The following CRPPA variants were observed in gnomAD, a reference collection of about 807,000 sequenced individuals.
CRPPA encodes CDP-L-ribitol pyrophosphorylase A, also known as D-ribitol-5-phosphate cytidylyltransferase.
A neutral mutation model predicts 52.0 loss-of-function variants in CRPPA; 43 were observed. The observed-to-expected ratio is 0.83, with a 90% CI of 0.65 to 1.07. The LOEUF is 1.07. Ranked by LOEUF, CRPPA falls within the 50% of genes least tolerant of loss-of-function variation. The pLI, the probability that CRPPA is intolerant of heterozygous loss-of-function variation, is 0.00. For synonymous variants in CRPPA, 250 were observed against 203.5 expected (o/e 1.23, Z -1.94); for missense variants, 629 against 551.7 (o/e 1.14, Z -1.40).
chr7:16,335,175 A>G (rs1785649484), intron 3 of CRPPA, among the ~76,000 whole-genome samples: 1 of 149,952 alleles, frequency 6.7e-6, no homozygotes, highest in Non-Finnish European at 1.5e-5. Flanking sequence ...AAAAAAAAAA[A>G]AAAGGAAAAA....
intron 6 of CRPPA, chr7:16,276,504 T>A (rs28633176): frequency 6.6e-6 from 1 of 151,958 alleles, no homozygotes; most frequent in Admixed American, 6.5e-5. Context: ...ACTGGCATAT[T>A]GAAGATACTC....
chr7:16,110,773 C>T (rs1271013480), intron 9 of CRPPA, among the ~76,000 whole-genome samples: 6 of 152,040 alleles, frequency 3.9e-5, no homozygotes, highest in Non-Finnish European at 8.8e-5. Flanking sequence ...GCCCTAATCT[C>T]ACACCATATA....
rs1781738684 is a variant in CRPPA at position 16,088,347 on chromosome 7, T to C, written c.*3348A>G. 1 of 152,046 alleles carries C rather than the reference T, an allele frequency of 6.6e-6. No homozygotes were observed. The highest frequency in any genetic ancestry group is 2.4e-5 in the African/African-American group (1 of 41,422). 9.4% of individuals were successfully genotyped at this position (152,046 alleles called of 1,614,324 possible). The stretch of plus-strand genomic sequence containing the variant: ...GAAAATAAAGTGAGAATAGACAGCT[T>C]TTACTAAAGTAAATTTACAGAAGCA... On this transcript the variant is annotated 3_prime_UTR_variant, in exon 10 of 10. Coordinates refer to ENST00000407010, the MANE Select transcript of CRPPA (RefSeq NM_001101426.4).
chr7:16,210,665 G>C, intron 9 of CRPPA: 1 of 152,152 alleles, frequency 6.6e-6, no homozygotes, highest in Non-Finnish European at 1.5e-5. Context: ...CCTTGATGGA[G>C]ACCCAGAGCT....
chr7:16,286,436 T>C (rs1408410801), intron 5 of CRPPA, among the ~76,000 whole-genome samples: 1 of 152,030 alleles, frequency 6.6e-6, no homozygotes, highest in Non-Finnish European at 1.5e-5. Flanking sequence ...TGTTTCTCTG[T>C]AGAACTTACA....
chr7:16,224,772 G>C (rs1189133773), intron 8 of CRPPA, among the ~76,000 whole-genome samples: 2 of 152,064 alleles, frequency 1.3e-5, no homozygotes, highest in Non-Finnish European at 2.9e-5. Context: ...TGATCTGAAG[G>C]ATTAGAAAAG....
Position 16,090,238 on chromosome 7 carries a change from A to C in CRPPA, c.*1457T>G, listed in dbSNP as rs1219041860. 1 of 152,176 alleles carries C rather than the reference A, an allele frequency of 6.6e-6. No homozygotes were observed. The highest frequency in any genetic ancestry group is 1.5e-5 in the Non-Finnish European group (1 of 68,036). 9.4% of individuals were successfully genotyped at this position (152,176 alleles called of 1,614,324 possible). ...CACATTTCAATTAGGAGAATGTAAA[A>C]TATAAACTCTCCTACTATATATATA... On this transcript the variant is annotated 3_prime_UTR_variant, in exon 10 of 10. Coordinates refer to ENST00000407010, the MANE Select transcript of CRPPA (RefSeq NM_001101426.4).
chr7:16,288,304 A>T (rs1221466577), intron 5 of CRPPA, among the ~76,000 whole-genome samples: 2 of 152,198 alleles, frequency 1.3e-5, no homozygotes, highest in Non-Finnish European at 2.9e-5. Flanking sequence ...GAAATAAAAA[A>T]TACAAACATT....
chr7:16,163,413 G>A (rs1469080770), intron 9 of CRPPA, among the ~76,000 whole-genome samples: 1 of 151,180 alleles, frequency 6.6e-6, no homozygotes, highest in African/African-American at 2.4e-5. Flanking sequence ...GTGTGTCTTT[G>A]CACATGAGAT....
chr7:16,116,658 C>A (rs1299125242), intron 9 of CRPPA, among the ~76,000 whole-genome samples: 4 of 7,168 alleles, frequency 5.6e-4, no homozygotes, highest in Non-Finnish European at 1.9e-3. Flanking sequence ...GAGACTCGGT[C>A]GAAAAAAAAA....
chr7:16,291,109 T>C (rs1395040688), intron 5 of CRPPA, among the ~76,000 whole-genome samples: 3 of 151,784 alleles, frequency 2.0e-5, no homozygotes, highest in Non-Finnish European at 2.9e-5. Context: ...AGGGCTATTA[T>C]CAAAAACACA....
intron 9 of CRPPA, among the ~76,000 whole-genome samples, chr7:16,124,658 A>G (rs2128370864): frequency 6.6e-6 from 1 of 152,288 alleles, no homozygotes; most frequent in East Asian, 1.9e-4. Context: ...CTACAGGGTA[A>G]CTATAACTAA....
intron 2 of CRPPA, among the ~76,000 whole-genome samples, chr7:16,393,987 G>A (rs1267453987): frequency 6.7e-6 from 1 of 148,208 alleles, no homozygotes; most frequent in East Asian, 2.1e-4. Flanking sequence ...CAAAGAGAAA[G>A]CATTTTCCAG....
intron 9 of CRPPA, among the ~76,000 whole-genome samples, chr7:16,131,430 G>A (rs541438787): frequency 6.6e-6 from 1 of 152,206 alleles, no homozygotes; most frequent in Non-Finnish European, 1.5e-5. Flanking sequence ...GGAAACTGGA[G>A]GAAAGGTGAT....
At chr7:16,269,900 AG>A (rs1251155019) in intron 6 of CRPPA, 1 of 152,188 alleles carries the variant, frequency 6.6e-6, no homozygotes, top group African/African-American at 2.4e-5. Flanking sequence ...CTATAACTGG[AG>A]AAAAAAAATT....
chr7:16,152,800 A>G (rs1410496222), intron 9 of CRPPA, among the ~76,000 whole-genome samples: 1 of 152,014 alleles, frequency 6.6e-6, no homozygotes, highest in Non-Finnish European at 1.5e-5. Flanking sequence ...TGTAGCACCA[A>G]TACAATGAAC....
chr7:16,262,006 T>C (rs1218722574), intron 6 of CRPPA: 2 of 152,128 alleles, frequency 1.3e-5, no homozygotes, highest in South Asian at 2.1e-4. Context: ...ATATATGAGG[T>C]TGGACTATCC....
intron 6 of CRPPA, among the ~76,000 whole-genome samples, chr7:16,272,689 A>C (rs1784116025): frequency 6.6e-6 from 1 of 152,244 alleles, no homozygotes; most frequent in African/African-American, 2.4e-5. Flanking sequence ...TCCTTTCCTA[A>C]GGGGATGTCT....
Position 16,091,499 on chromosome 7 carries a change from G to T in CRPPA, c.*196C>A. 2.2e-6 allele frequency: 1 copy of T among 445,480 alleles called. No homozygotes were observed. The allele number at this position is 445,480 out of a possible 1,614,324, so 27.6% of individuals were successfully genotyped here. On this transcript the variant is annotated 3_prime_UTR_variant, in exon 10 of 10. Coordinates refer to ENST00000407010, the MANE Select transcript of CRPPA (RefSeq NM_001101426.4). ...TTTCTGGTTCAGGCAATTAATATTTGTCATACACAAAAGTATTCTTTATTT... is the reference window on the plus strand; with the variant it reads ...TTTCTGGTTCAGGCAATTAATATTTTTCATACACAAAAGTATTCTTTATTT...
Sources: allele counts gnomAD v4.1 joint callset (sites outside exome capture counted in the v4.1 genomes callset), GRCh38; gene constraint gnomAD v4.1.1; transcripts MANE v1.5; gene names NCBI Gene and HGNC (gene_info 2026-07-23, HGNC 2026-07-21).